ATE1: variants seen among roughly 807,000 people sequenced by gnomAD.
ATE1 encodes arginyltransferase 1, also known as arginyl-tRNA--protein transferase 1.
In ATE1, 36 loss-of-function variants were observed where a neutral mutation model predicts 70.5. The ratio of observed to expected loss-of-function variants is 0.51; its 90% CI spans 0.39 to 0.67. The LOEUF (loss-of-function observed/expected upper bound fraction) is 0.67. ATE1 is among the 30% of genes least tolerant of loss of function. The pLI, the probability that ATE1 is intolerant of heterozygous loss-of-function variation, is 0.00. For missense variants in ATE1, 593 were observed against 629.5 expected, an observed-to-expected ratio of 0.94 and a Z score of 0.62; for synonymous variants, 232 against 219.3, an observed-to-expected ratio of 1.06 and a Z score of -0.51.
chr10:121,927,979 C>A lies in ATE1; in HGVS notation c.-30G>T. On this transcript the variant is annotated 5_prime_UTR_variant, in exon 1 of 12. Transcript: ENST00000224652. ...TCGGCCCCGCGAACGCTCAGCCGCC[C>A]GGCCCCGCGTCGCTAGCGCGGCCGC... is the stretch of plus-strand genomic sequence containing the variant. 1.4e-6 allele frequency: 2 copies of A among 1,479,228 alleles called. No homozygotes were observed. The highest frequency in any genetic ancestry group is 1.8e-6 in the Non-Finnish European group (2 of 1,112,280). The allele number at this position is 1,479,228 out of a possible 1,614,324, so 91.6% of individuals were successfully genotyped here.
chr10:121,857,342 C>T (rs920865519), intron 8 of ATE1, among the ~76,000 whole-genome samples: 1 of 152,296 alleles, frequency 6.6e-6, no homozygotes, highest in African/African-American at 2.4e-5. Context: ...GTTTAGCTCT[C>T]ACTTAAAAGC....
intron 11 of ATE1, among the ~76,000 whole-genome samples, chr10:121,756,880 C>T (rs1281605590): frequency 6.6e-6 from 1 of 152,190 alleles, no homozygotes; most frequent in Non-Finnish European, 1.5e-5. Flanking sequence ...GAGATATTTT[C>T]CCCCACCGTC....
intron 10 of ATE1, among the ~76,000 whole-genome samples, chr10:121,791,096 ATTTTT>A (rs10584053): frequency 1.3e-3 from 125 of 94,402 alleles, no homozygotes; most frequent in African/African-American, 4.0e-3. Flanking sequence ...GTGTATATAT[ATTTTT>A]TTTTTTTTTT....
intron 10 of ATE1, among the ~76,000 whole-genome samples, chr10:121,817,312 G>A (rs976102540): frequency 8.7e-5 from 13 of 149,788 alleles, no homozygotes; most frequent in South Asian, 2.1e-4. Flanking sequence ...AGGCCAAGGC[G>A]GGCGGATCAC....
Position 121,927,937 on chromosome 10 carries a change from C to T in ATE1, c.13G>A (p.Ala5Thr). Residue 5 changes from alanine to threonine, a missense_variant, in exon 1 of 12, where the codon GCG becomes ACG. Ala to Thr is a moderately conservative substitution (Grantham distance 58, BLOSUM62 0). This residue lies in a region of ATE1 where 467 missense variants were observed against 469.6 expected (regional missense o/e 0.99). Coordinates refer to ENST00000224652, the MANE Select transcript of ATE1 (RefSeq NM_001001976.3). ...TCCACGACGCTGGGCGAACCCCCCG[C>T]CCAGAAAGCCATGGCCTCGGCCCCG... The part of the protein sequence containing the change: MAFW[A>T]GGSPSVVDYF... The T allele has an allele frequency of 6.4e-7, 1 of 1,570,744 alleles. No individual in the cohort carries two copies. Among genetic ancestry groups the T allele is most frequent in the South Asian group, 1.2e-5 (1 of 86,112 alleles).
intron 11 of ATE1, among the ~76,000 whole-genome samples, chr10:121,783,648 T>G (rs756319481): frequency 6.6e-6 from 1 of 152,182 alleles, no homozygotes; most frequent in South Asian, 2.1e-4. Context: ...TTTATTTTTA[T>G]TTTTTAATTG....
At chr10:121,807,389 G>A (rs1174348263) in intron 10 of ATE1, among the ~76,000 whole-genome samples, 3 of 151,306 alleles carry the variant, frequency 2.0e-5, no homozygotes, top group Non-Finnish European at 3.0e-5. Flanking sequence ...AAGAACTCAC[G>A]GTTTATTACT....
intron 8 of ATE1, among the ~76,000 whole-genome samples, chr10:121,851,191 G>A (rs945300322): frequency 2.0e-5 from 3 of 151,264 alleles, no homozygotes; most frequent in African/African-American, 4.9e-5. Context: ...AGGCTGCGGC[G>A]GGCAGATCGC....
chr10:121,927,485 T>A, intron 1 of ATE1: 1 of 984,966 alleles, frequency 1.0e-6, no homozygotes. Context: ...CCCGGGACGC[T>A]CCCACCGCAG....
intron 3 of ATE1, among the ~76,000 whole-genome samples, chr10:121,921,089 T>G (rs1404522127): frequency 6.6e-6 from 1 of 152,074 alleles, no homozygotes; most frequent in Non-Finnish European, 1.5e-5. Context: ...CAACTTTTAT[T>G]TTAGATTCAG....
At chr10:121,812,825 T>C (rs1947380658) in intron 10 of ATE1, among the ~76,000 whole-genome samples, 1 of 152,112 alleles carries the variant, frequency 6.6e-6, no homozygotes, top group Non-Finnish European at 1.5e-5. Context: ...CTGGGATAGC[T>C]CCAGGTCACA....
intron 7 of ATE1, among the ~76,000 whole-genome samples, chr10:121,896,823 C>CAA (rs869156572): frequency 0.087 from 2,452 of 28,316 alleles, 542 homozygotes; most frequent in East Asian, 0.13. Context: ...GACTTTGTCT[C>CAA]AAAAAAAAAA....
At chr10:121,835,256 G>C (rs144573862) in intron 10 of ATE1, among the ~76,000 whole-genome samples, 18 of 152,140 alleles carry the variant, frequency 1.2e-4, no homozygotes, top group African/African-American at 4.1e-4. Flanking sequence ...CAAATGCCAG[G>C]ACACCTTGAT....
chr10:121,756,965 G>A (rs1487569719), intron 11 of ATE1, among the ~76,000 whole-genome samples: 2 of 152,152 alleles, frequency 1.3e-5, no homozygotes, highest in African/African-American at 4.8e-5. Context: ...CAGAAAATGG[G>A]ATTTTCTTTT....
chr10:121,922,729 T>C (rs945158142), intron 2 of ATE1, among the ~76,000 whole-genome samples: 1 of 152,074 alleles, frequency 6.6e-6, no homozygotes, highest in Non-Finnish European at 1.5e-5. Flanking sequence ...ATGAGAGAAA[T>C]GCCCACGATG....
intron 4 of ATE1, among the ~76,000 whole-genome samples, chr10:121,912,181 C>T (rs1257328090): frequency 2.0e-5 from 3 of 152,066 alleles, no homozygotes; most frequent in Non-Finnish European, 4.4e-5. Context: ...TGAGCCACCA[C>T]ACCCGGCCCC....
intron 8 of ATE1, among the ~76,000 whole-genome samples, chr10:121,851,123 A>AG (rs1949040750): frequency 8.0e-6 from 1 of 124,800 alleles, no homozygotes; most frequent in South Asian, 2.4e-4. Context: ...AAAAAAAAAA[A>AG]GAATTTCAGT....
chr10:121,878,522 G>C (rs1950129160), intron 7 of ATE1, among the ~76,000 whole-genome samples: 1 of 151,176 alleles, frequency 6.6e-6, no homozygotes, highest in Admixed American at 6.6e-5. Context: ...GAACTCAGGA[G>C]GCAGAGGTTG....
intron 1 of ATE1, 32 bp downstream of exon 1, chr10:121,927,812 G>A (rs1282384447): frequency 3.9e-6 from 6 of 1,535,346 alleles, no homozygotes; most frequent in African/African-American, 2.8e-5. Context: ...CGGGCGCCCG[G>A]CTTCCCACGC....
Sources: gnomAD v4.1 joint callset for allele counts (sites outside exome capture counted in the v4.1 genomes callset) on GRCh38, gnomAD v4.1.1 for gene constraint, gnomAD v4.1.1 regional missense constraint, MANE v1.5 for transcripts, NCBI Gene and HGNC (gene_info 2026-07-23, HGNC 2026-07-21) for gene names.